The following LARP1B variants were observed in gnomAD, a reference collection of about 807,000 sequenced individuals.
LARP1B encodes la-related protein 1B.
LARP1B carries 76 observed loss-of-function variants against 114.2 expected under a neutral mutation model. The observed-to-expected ratio is 0.67, with a 90% CI of 0.55 to 0.81. The LOEUF is 0.81. LARP1B is among the 30% of genes least tolerant of loss of function. LARP1B has a pLI of 0.00. For missense variants in LARP1B, 1,014 were observed against 1,075.8 expected, an observed-to-expected ratio of 0.94 and a Z score of 0.80; for synonymous variants, 345 against 348.0, an observed-to-expected ratio of 0.99 and a Z score of 0.10.
chr4:128,127,739 AG>A (rs1790113305), intron 11 of LARP1B, among the ~76,000 whole-genome samples: 1 of 152,190 alleles, frequency 6.6e-6, no homozygotes, highest in Non-Finnish European at 1.5e-5. Flanking sequence ...AGGCTGAGGC[AG>A]GGGAATTGCT....
At position 128,156,884 on chromosome 4, in the gene LARP1B, A is replaced by C. The variant is rs980225895; in HGVS notation, c.1525-5310A>C. Among the ~76,000 whole-genome samples, 31 of 151,614 alleles carry C rather than the reference A, an allele frequency of 2.0e-4. 1 individual carries two copies. Among genetic ancestry groups the C allele is most frequent in the African/African-American group, 7.5e-4 (31 of 41,484 alleles). On this transcript the variant is annotated intron_variant, in intron 11 of 19. Transcript: ENST00000326639. ...AAGCTAAAAAAAAAAAAAAAAAAAAAAAAACTGGAAAGAGAAGAAAACCTA... is the reference window on the plus strand; with the variant it reads ...AAGCTAAAAAAAAAAAAAAAAAAAACAAAACTGGAAAGAGAAGAAAACCTA...
intron 17 of LARP1B, among the ~76,000 whole-genome samples, chr4:128,205,455 C>G (rs1757308988): frequency 6.6e-6 from 1 of 152,108 alleles, no homozygotes; most frequent in Non-Finnish European, 1.5e-5. Context: ...GAAGGTTGAG[C>G]CTATATAGTT....
intron 14 of LARP1B, among the ~76,000 whole-genome samples, chr4:128,179,044 G>T (rs1747426753): frequency 6.6e-6 from 1 of 152,138 alleles, no homozygotes; most frequent in South Asian, 2.1e-4. Flanking sequence ...AGTGAGCCAT[G>T]ATCATGCCAC....
intron 11 of LARP1B, 119 bp from the exon 12 acceptor site, chr4:128,162,075 C>A: frequency 1.2e-6 from 1 of 818,648 alleles, no homozygotes; most frequent in South Asian, 2.0e-5. Context: ...ACGTCTTTTT[C>A]ACTCCATTGT....
At chr4:128,082,391 T>C (rs979948998) in intron 5 of LARP1B, 86 bp downstream of exon 5, 9 of 1,238,112 alleles carry the variant, frequency 7.3e-6, no homozygotes, top group African/African-American at 3.0e-5. Context: ...TATAAACCAT[T>C]TGAGAATAAG....
intron 17 of LARP1B, among the ~76,000 whole-genome samples, chr4:128,205,583 A>C (rs1405701128): frequency 6.6e-6 from 1 of 152,192 alleles, no homozygotes; most frequent in Non-Finnish European, 1.5e-5. Context: ...TCTACTATTA[A>C]TTGTACTTTA....
Position 128,210,812 on chromosome 4 carries a change from C to T in LARP1B, c.*759C>T. 1.0e-6 allele frequency: 1 copy of T among 982,734 alleles called. No homozygotes were observed. The allele number at this position is 982,734 out of a possible 1,614,324, so 60.9% of individuals were successfully genotyped here. On this transcript the variant is annotated 3_prime_UTR_variant, in exon 20 of 20. Transcript: ENST00000326639. ...ATATTAGAGGTTTATTTTTATGATT[C>T]TATATAAACGTGCACGAGTAATTTA...
At position 128,095,605 on chromosome 4, in the gene LARP1B, A is replaced by G. The variant is rs532158175; in HGVS notation, c.669-2581A>G. 6.9e-4 allele frequency among the ~76,000 whole-genome samples: 105 copies of G among 152,276 alleles called. 2 individuals are homozygous for G. Among genetic ancestry groups the G allele is most frequent in the Admixed American group, 2.1e-3 (32 of 15,296 alleles). Reference sequence around the variant, plus strand: ...CACTCTGACAATTGGGTAAATATCAAACTATTAAAGGAAAATTTGGATATT... The same window carrying G: ...CACTCTGACAATTGGGTAAATATCAGACTATTAAAGGAAAATTTGGATATT... On this transcript the variant is annotated intron_variant, in intron 7 of 19. Coordinates refer to ENST00000326639, the MANE Select transcript of LARP1B (RefSeq NM_018078.4).
At chr4:128,149,184 T>C (rs1033057825) in intron 11 of LARP1B, among the ~76,000 whole-genome samples, 5 of 152,182 alleles carry the variant, frequency 3.3e-5, no homozygotes, top group Admixed American at 1.3e-4. Context: ...AAAAGTATTA[T>C]TATTGCTAAA....
intron 11 of LARP1B, among the ~76,000 whole-genome samples, chr4:128,150,144 C>G (rs576796162): frequency 6.6e-6 from 1 of 152,136 alleles, no homozygotes; most frequent in Admixed American, 6.5e-5. Flanking sequence ...GACCAAGACT[C>G]CATCTCAAAA....
chr4:128,115,050 GC>G (rs1234361463), intron 10 of LARP1B, among the ~76,000 whole-genome samples: 2 of 151,824 alleles, frequency 1.3e-5, no homozygotes, highest in African/African-American at 4.8e-5. Context: ...CGATTCTCCT[GC>G]CCTGGCCTCC....
intron 14 of LARP1B, 92 bp downstream of exon 14, chr4:128,178,734 G>A: frequency 1.1e-6 from 1 of 899,668 alleles, no homozygotes; most frequent in South Asian, 1.6e-5. Context: ...ATTGAAAAAT[G>A]TGTGTTATAA....
At chr4:128,182,646 C>T (rs1054998692) in intron 15 of LARP1B, among the ~76,000 whole-genome samples, 1 of 151,986 alleles carries the variant, frequency 6.6e-6, no homozygotes, top group Non-Finnish European at 1.5e-5. Context: ...CTACAGTGGC[C>T]CCTAATTGTT....
chr4:128,166,398 C>G (rs1274082080), intron 12 of LARP1B, among the ~76,000 whole-genome samples: 1 of 151,808 alleles, frequency 6.6e-6, no homozygotes, highest in African/African-American at 2.4e-5. Flanking sequence ...GTAATGAACT[C>G]CTAGCCTGTC....
At chr4:128,191,111 AT>A (rs369784737) in intron 15 of LARP1B, among the ~76,000 whole-genome samples, 19 of 149,392 alleles carry the variant, frequency 1.3e-4, no homozygotes, top group East Asian at 3.9e-4. Flanking sequence ...GAGTTCCAGG[AT>A]TTTTTTTTTT....
chr4:128,214,256 A>G (rs1759354201), downstream of LARP1B, among the ~76,000 whole-genome samples: 1 of 147,888 alleles, frequency 6.8e-6, no homozygotes, highest in Non-Finnish European at 1.5e-5. Flanking sequence ...AGGCTTGCTT[A>G]GGTAAACAAA....
chr4:128,201,415 A>G (rs2150899174), intron 17 of LARP1B, among the ~76,000 whole-genome samples: 1 of 152,296 alleles, frequency 6.6e-6, no homozygotes, highest in East Asian at 1.9e-4. Flanking sequence ...ACCCCAATTG[A>G]TATGTGCTTA....
At chr4:128,094,808 A>G (rs974095053) in intron 7 of LARP1B, among the ~76,000 whole-genome samples, 5 of 151,494 alleles carry the variant, frequency 3.3e-5, no homozygotes, top group East Asian at 3.9e-4. Flanking sequence ...CTGCAGTGCA[A>G]TGGTGCAATC....
At chr4:128,162,142 T>C in intron 11 of LARP1B, 52 bp from the exon 12 acceptor site, 1 of 1,572,814 alleles carries the variant, frequency 6.4e-7, no homozygotes, top group Non-Finnish European at 8.7e-7. Flanking sequence ...TTATTGTCTG[T>C]TGGTTACTCT....
Sources: gnomAD v4.1 joint callset for allele counts (sites outside exome capture counted in the v4.1 genomes callset) on GRCh38, gnomAD v4.1.1 for gene constraint, MANE v1.5 for transcripts, NCBI Gene and HGNC (gene_info 2026-07-23, HGNC 2026-07-21) for gene names.